LIG1: variants seen among roughly 807,000 people sequenced by gnomAD.
LIG1 encodes the protein ligase I, DNA, ATP-dependent.
LIG1 carries 70 observed loss-of-function variants against 115.7 expected under a neutral mutation model. That is an observed-to-expected ratio of 0.60 (90% CI 0.50 to 0.74). The LOEUF (loss-of-function observed/expected upper bound fraction) is 0.74, where lower values mean the gene tolerates loss of function less well. Ranked by LOEUF, LIG1 falls within the 30% of genes least tolerant of loss-of-function variation. LIG1 has a pLI of 0.00. For synonymous variants in LIG1, 487 were observed against 495.3 expected (o/e 0.98, Z 0.22); for missense variants, 1,115 against 1,225.6 (o/e 0.91, Z 1.35).
chr19:48,169,248 G>A (rs887368991), intron 1 of LIG1, among the ~76,000 whole-genome samples: 1 of 152,144 alleles, frequency 6.6e-6, no homozygotes, highest in Non-Finnish European at 1.5e-5. Context: ...TCACAATTAC[G>A]ATGGGGGTTA....
intron 19 of LIG1, among the ~76,000 whole-genome samples, chr19:48,129,532 G>A (rs2033883056): frequency 6.6e-6 from 1 of 152,204 alleles, no homozygotes; most frequent in African/African-American, 2.4e-5. Flanking sequence ...CCAGCATGGG[G>A]CCTAGCTCGG....
chr19:48,134,044 T>C lies in LIG1; in HGVS notation c.1546A>G (p.Ile516Val). 1 of 1,557,360 alleles carries C rather than the reference T, an allele frequency of 6.4e-7. No homozygotes were observed. Among genetic ancestry groups the C allele is most frequent in the Non-Finnish European group, 8.7e-7 (1 of 1,149,978 alleles). The change falls in exon 17 of 28, where the codon ATT becomes GTT. Residue 516 changes from isoleucine (I) to valine (V), a missense_variant. Transcript: ENST00000263274. The stretch of plus-strand genomic sequence containing the variant: ...CCGTGCTCCAGCAGCACGGGGATAA[T>C]TCGGTCCAGGTCGGGAACCTCGCTG... ...TFCEVPDLDRIIPVLLEHGLE... is the reference protein window; with the variant it reads ...TFCEVPDLDRVIPVLLEHGLE...
At chr19:48,134,124 G>T in intron 16 of LIG1, 58 bp from the exon 17 acceptor site, 1 of 1,470,802 alleles carries the variant, frequency 6.8e-7, no homozygotes, top group Non-Finnish European at 9.3e-7. Context: ...ACACAGTTTG[G>T]AAAGAGAGCT....
intron 11 of LIG1, 38 bp downstream of exon 11, chr19:48,143,505 C>CGCGGGGGGGGGGGG: frequency 1.2e-6 from 1 of 850,466 alleles, no homozygotes. Flanking sequence ...GACCCAGAAG[C>CGCGGGGGGGGGGGG]GACCCCGCCC....
chr19:48,147,955 C>T (rs1194719676), intron 9 of LIG1, among the ~76,000 whole-genome samples: 2 of 152,176 alleles, frequency 1.3e-5, no homozygotes, highest in Admixed American at 1.3e-4. Context: ...ACAGCCCTGG[C>T]TCTGTGGGAA....
chr19:48,129,271 G>A (rs896762597), intron 19 of LIG1, among the ~76,000 whole-genome samples: 4 of 152,114 alleles, frequency 2.6e-5, no homozygotes, highest in East Asian at 1.9e-4. Flanking sequence ...GGCTGGTCTC[G>A]AACTCCTAAC....
At position 48,133,079 on chromosome 19, in the gene LIG1, A is replaced by G. The variant is rs768739140; in HGVS notation, c.1628T>C (p.Met543Thr). The G allele has an allele frequency of 2.5e-6, 4 of 1,613,722 alleles. No homozygotes were observed. The highest frequency in any genetic ancestry group is 2.5e-6 in the Non-Finnish European group (3 of 1,179,626). The change falls in exon 18 of 28, where the codon ATG becomes ACG. Residue 543 changes from methionine to threonine, a missense_variant. Coordinates refer to ENST00000263274, the MANE Select transcript of LIG1 (RefSeq NM_000234.3). ...KLSPGIPLKP[M>T]LAHPTRGISE... Reference sequence around the variant, plus strand: ...GATGCCCCGGGTGGGATGGGCCAACATTGGTTTCAGGGGAATCCCTGGGAA... The same window carrying G: ...GATGCCCCGGGTGGGATGGGCCAACGTTGGTTTCAGGGGAATCCCTGGGAA...
chr19:48,165,397 C>T (rs564090084), intron 2 of LIG1, among the ~76,000 whole-genome samples, 153 bp downstream of exon 2: 1 of 152,320 alleles, frequency 6.6e-6, no homozygotes, highest in African/African-American at 2.4e-5. Flanking sequence ...TATCCCACGG[C>T]TCATTTTCCA....
chr19:48,161,542 A>G, intron 3 of LIG1, 35 bp from the exon 4 acceptor site: 1 of 1,611,536 alleles, frequency 6.2e-7, no homozygotes, highest in African/African-American at 1.3e-5. Context: ...TAAAGGGGCG[A>G]CTACAGCAGG....
At chr19:48,143,180 C>T (rs2034886221) in intron 11 of LIG1, among the ~76,000 whole-genome samples, 1 of 152,176 alleles carries the variant, frequency 6.6e-6, no homozygotes, top group South Asian at 2.1e-4. Flanking sequence ...GAGACCTCAC[C>T]TTCTTTTGTG....
In LIG1 at chr19:48,137,028, T is replaced by C. The variant is rs898087011; in HGVS notation, c.1311A>G (p.Ser437=). ...CTTACCTAGCGATGAACCGGGCTTC[T>C]GAGTGGCGGCAGGCCACAAAGAGGC... is the stretch of plus-strand genomic sequence containing the variant. ...IKGLFVACRH[S]EARFIARSLS... Residue 437 remains serine (S), a synonymous_variant, in exon 14 of 28, where the codon TCA becomes TCG. Transcript: ENST00000263274. The surrounding 1 kb of genome is among the most constrained non-coding windows in gnomAD (Gnocchi z 4.3). The C allele has an allele frequency of 2.5e-6, 4 of 1,612,202 alleles. No individual in the cohort carries two copies. The African/African-American group carries it at 5.3e-5, about 22-fold the overall frequency.
intron 24 of LIG1, 104 bp downstream of exon 24, chr19:48,121,066 G>C: frequency 6.3e-7 from 1 of 1,597,720 alleles, no homozygotes; most frequent in African/African-American, 1.3e-5. Flanking sequence ...TCCTTCACAG[G>C]GGGATGTGAG....
intron 2 of LIG1, among the ~76,000 whole-genome samples, chr19:48,162,748 C>A (rs762743170): frequency 1.3e-5 from 2 of 151,728 alleles, no homozygotes; most frequent in Non-Finnish European, 2.9e-5. Context: ...ACTTCTAACA[C>A]CATTTCCATC....
chr19:48,127,830 T>C lies in LIG1; in HGVS notation c.1932+80A>G. On this transcript the variant is annotated intron_variant, in intron 20 of 27. Coordinates refer to ENST00000263274, the MANE Select transcript of LIG1 (RefSeq NM_000234.3). ...ACTGACACTCTGCCCTTCTGGGCAC[T>C]GGGCAGGACCCACAGCCAGGACTGG... 8 of 1,194,596 alleles carry C rather than the reference T, an allele frequency of 6.7e-6. No homozygotes were observed. In the South Asian group the frequency reaches 9.7e-5, roughly 14 times the overall value. The allele number at this position is 1,194,596 out of a possible 1,614,324, so 74.0% of individuals were successfully genotyped here.
intron 12 of LIG1, among the ~76,000 whole-genome samples, chr19:48,139,592 A>C (rs1223115325): frequency 1.3e-5 from 2 of 151,812 alleles, no homozygotes; most frequent in East Asian, 3.9e-4. Context: ...CTGGCCCCCC[A>C]CACACCATGT....
chr19:48,133,973 G>GC lies in LIG1; in HGVS notation c.1609+7dup. The GC allele has an allele frequency of 6.4e-7, 1 of 1,552,132 alleles. No individual in the cohort carries two copies. ...TGCCAGGCTGGTGAGCGCCCCTGGG[G>GC]CCTGTACCTGGGCTCAGCTTGCAGT... On this transcript the variant is annotated splice_region_variant and intron_variant, in intron 17 of 27. Transcript: ENST00000263274.
At chr19:48,163,623 G>A (rs943694929) in intron 2 of LIG1, among the ~76,000 whole-genome samples, 3 of 151,554 alleles carry the variant, frequency 2.0e-5, no homozygotes, top group Admixed American at 6.6e-5. Context: ...CTGGTGAAGG[G>A]CAGAAATATT....
chr19:48,123,597 G>A (rs899640705), intron 21 of LIG1: 1 of 515,908 alleles, frequency 1.9e-6, no homozygotes, highest in Non-Finnish European at 3.5e-6. Flanking sequence ...AACACTTTAC[G>A]GGCATCTCAT....
chr19:48,142,358 G>A (rs2034817508), intron 11 of LIG1, among the ~76,000 whole-genome samples: 1 of 150,864 alleles, frequency 6.6e-6, no homozygotes, highest in South Asian at 2.1e-4. Flanking sequence ...CAGGAGAATG[G>A]TGTGAACCTG....
Sources: gnomAD v4.1 joint callset for allele counts (sites outside exome capture counted in the v4.1 genomes callset) on GRCh38, gnomAD v4.1.1 for gene constraint, Gnocchi (gnomAD v3.1) non-coding constraint, MANE v1.5 for transcripts, NCBI Gene and HGNC (gene_info 2026-07-23, HGNC 2026-07-21) for gene names.